The following TRMT9B variants were observed in gnomAD, a reference collection of about 807,000 sequenced individuals.
TRMT9B encodes probable tRNA methyltransferase 9B.
TRMT9B carries 16 observed loss-of-function variants against 11.5 expected under a neutral mutation model. That is an observed-to-expected ratio of 1.39 (90% CI 0.94 to 2.11). TRMT9B has a LOEUF of 2.11. Ranked by LOEUF, TRMT9B falls within the 30% of genes most tolerant of loss-of-function variation. The pLI, the probability that TRMT9B is intolerant of heterozygous loss-of-function variation, is 0.00. For synonymous variants in TRMT9B, 274 were observed against 192.4 expected (o/e 1.42, Z -3.51); for missense variants, 941 against 553.8 (o/e 1.70, Z -7.02).
chr8:12,980,886 C>T (rs1003602771), intron 1 of TRMT9B, among the ~76,000 whole-genome samples: 1 of 152,130 alleles, frequency 6.6e-6, no homozygotes, highest in Admixed American at 6.5e-5. Context: ...AGATAAGGAG[C>T]TTGTGCTGAA....
chr8:12,955,457 C>G (rs1026732877), intron 1 of TRMT9B, among the ~76,000 whole-genome samples: 1 of 151,984 alleles, frequency 6.6e-6, no homozygotes, highest in Non-Finnish European at 1.5e-5. Context: ...CTAGGGGTCC[C>G]GATCATTATT....
intron 1 of TRMT9B, among the ~76,000 whole-genome samples, chr8:12,980,152 A>G (rs1805122566): frequency 6.6e-6 from 1 of 152,194 alleles, no homozygotes; most frequent in African/African-American, 2.4e-5. Flanking sequence ...GCAGCTCAGG[A>G]GGCCAGACGT....
chr8:12,970,879 C>T (rs921338719), intron 1 of TRMT9B, among the ~76,000 whole-genome samples: 1 of 152,100 alleles, frequency 6.6e-6, no homozygotes, highest in Admixed American at 6.5e-5. Flanking sequence ...TGCCAATGCT[C>T]GAAAGTTCTG....
At chr8:13,018,695 T>C (rs1813266197) in intron 4 of TRMT9B, among the ~76,000 whole-genome samples, 1 of 152,174 alleles carries the variant, frequency 6.6e-6, no homozygotes, top group East Asian at 1.9e-4. Context: ...CTGAACAACA[T>C]ATTGTCTTGT....
intron 1 of TRMT9B, among the ~76,000 whole-genome samples, chr8:12,984,738 C>T (rs994932978): frequency 2.0e-5 from 3 of 152,122 alleles, no homozygotes; most frequent in Non-Finnish European, 4.4e-5. Context: ...GCTATATTTT[C>T]ATTTTTCTTC....
chr8:13,018,062 C>G (rs1018713632), intron 4 of TRMT9B, among the ~76,000 whole-genome samples: 1 of 144,280 alleles, frequency 6.9e-6, no homozygotes, highest in Non-Finnish European at 1.5e-5. Flanking sequence ...GGAATGGTCA[C>G]TTAAGCATTA....
chr8:13,004,576 C>A (rs896423439), intron 2 of TRMT9B, among the ~76,000 whole-genome samples: 1 of 152,066 alleles, frequency 6.6e-6, no homozygotes, highest in Non-Finnish European at 1.5e-5. Flanking sequence ...CAGAAGGCAA[C>A]CTGCTGTCTT....
At chr8:12,997,816 T>C (rs541425014) in intron 2 of TRMT9B, among the ~76,000 whole-genome samples, 6 of 152,356 alleles carry the variant, frequency 3.9e-5, no homozygotes, top group Admixed American at 3.9e-4. Context: ...CTTTAGTTGT[T>C]GCTGTCAGGC....
intron 2 of TRMT9B, among the ~76,000 whole-genome samples, chr8:13,002,925 G>A (rs1175591580): frequency 6.6e-6 from 1 of 152,076 alleles, no homozygotes; most frequent in Non-Finnish European, 1.5e-5. Context: ...CAGGTGTAGT[G>A]TCCCCTCCCT....
At chr8:12,961,541 AAC>A (rs1802107438) in intron 1 of TRMT9B, among the ~76,000 whole-genome samples, 1 of 151,490 alleles carries the variant, frequency 6.6e-6, no homozygotes, top group Admixed American at 6.6e-5. Flanking sequence ...CTCTACTAAA[AAC>A]ACAAAAAATT....
intron 1 of TRMT9B, among the ~76,000 whole-genome samples, chr8:12,966,987 G>C (rs1430040011): frequency 6.6e-6 from 1 of 152,120 alleles, no homozygotes; most frequent in Non-Finnish European, 1.5e-5. Context: ...TAGTACTCTA[G>C]TACTCACCTT....
intron 1 of TRMT9B, among the ~76,000 whole-genome samples, chr8:12,972,468 A>G (rs960386694): frequency 5.9e-5 from 9 of 152,186 alleles, no homozygotes; most frequent in South Asian, 2.1e-4. Context: ...ACCGACTCCT[A>G]TTGGAAACAA....
rs116594518 is a variant in TRMT9B at position 12,954,885 on chromosome 8, G to A, written c.-200+8919G>A. 7.9e-3 allele frequency among the ~76,000 whole-genome samples: 1,210 copies of A among 152,280 alleles called. 17 individuals are homozygous for A. Among genetic ancestry groups the A allele is most frequent in the African/African-American group, 0.026 (1,101 of 41,562 alleles). On this transcript the variant is annotated intron_variant, in intron 1 of 4. Coordinates refer to ENST00000524591, the MANE Select transcript of TRMT9B (RefSeq NM_020844.3). ...TTTAAGAGTTTGAACTAGATCACCTGGATTAAAAAGCCCAGCTCTGAGCCA... is the reference window on the plus strand; with the variant it reads ...TTTAAGAGTTTGAACTAGATCACCTAGATTAAAAAGCCCAGCTCTGAGCCA...
intron 1 of TRMT9B, among the ~76,000 whole-genome samples, chr8:12,977,429 G>T (rs890281493): frequency 2.6e-5 from 4 of 152,148 alleles, no homozygotes; most frequent in Non-Finnish European, 4.4e-5. Context: ...TTGGCCGGGC[G>T]TGGGTGCTCA....
intron 1 of TRMT9B, among the ~76,000 whole-genome samples, chr8:12,989,612 A>G (rs1806973238): frequency 1.3e-5 from 2 of 152,196 alleles, no homozygotes; most frequent in Non-Finnish European, 2.9e-5. Flanking sequence ...ACATTTAGGC[A>G]CAAATGCCTG....
At chr8:12,964,685 C>T (rs1052578589) in intron 1 of TRMT9B, among the ~76,000 whole-genome samples, 1 of 152,144 alleles carries the variant, frequency 6.6e-6, no homozygotes, top group African/African-American at 2.4e-5. Flanking sequence ...AGCGATCTTC[C>T]CTCCTTATCC....
intron 4 of TRMT9B, among the ~76,000 whole-genome samples, chr8:13,015,363 T>G (rs577393109): frequency 6.6e-5 from 10 of 152,184 alleles, no homozygotes; most frequent in Admixed American, 1.3e-4. Flanking sequence ...AATCCGCAGG[T>G]TTAGCGTAAA....
intron 1 of TRMT9B, among the ~76,000 whole-genome samples, chr8:12,989,428 C>T (rs1049555418): frequency 7.9e-5 from 12 of 152,178 alleles, no homozygotes; most frequent in African/African-American, 2.7e-4. Flanking sequence ...CAAAATCAGT[C>T]ATATTTGTAG....
chr8:12,998,300 G>C (rs1470284919), intron 2 of TRMT9B, among the ~76,000 whole-genome samples: 2 of 152,150 alleles, frequency 1.3e-5, no homozygotes, highest in Admixed American at 6.5e-5. Flanking sequence ...CTTACTCCAA[G>C]GTCATGAGGA....
Sources: allele counts gnomAD v4.1 joint callset (sites outside exome capture counted in the v4.1 genomes callset), GRCh38; gene constraint gnomAD v4.1.1; transcripts MANE v1.5; gene names NCBI Gene and HGNC (gene_info 2026-07-23, HGNC 2026-07-21).